The following CNTNAP2 variants were observed in gnomAD, a reference collection of about 807,000 sequenced individuals.
CNTNAP2 encodes contactin associated protein 2, also known as contactin-associated protein-like 2.
In CNTNAP2, 98 loss-of-function variants were observed where a neutral mutation model predicts 155.2. That is an observed-to-expected ratio of 0.63 (90% CI 0.54 to 0.75). The LOEUF is 0.75. Among genes scored for constraint, CNTNAP2 ranks in the 30% least tolerant of loss-of-function variants. CNTNAP2 has a pLI of 0.00. For missense variants in CNTNAP2, 1,727 were observed against 1,688.1 expected, an observed-to-expected ratio of 1.02 and a Z score of -0.40; for synonymous variants, 651 against 631.2, an observed-to-expected ratio of 1.03 and a Z score of -0.47.
Position 147,773,750 on chromosome 7 carries a change from T to C in CNTNAP2, c.2099-129815T>C, listed in dbSNP as rs1242829981. Reference sequence around the variant, plus strand: ...AATATTTTCAGTGCCCCAGTCAGAGTGATCCTGTTAAAACATTAGCCAGAT... The same window carrying C: ...AATATTTTCAGTGCCCCAGTCAGAGCGATCCTGTTAAAACATTAGCCAGAT... On this transcript the variant is annotated intron_variant, in intron 13 of 23. Transcript: ENST00000361727. 2.6e-5 allele frequency among the ~76,000 whole-genome samples: 4 copies of C among 152,176 alleles called. No homozygotes were observed. The South Asian group carries it at 8.3e-4, about 31-fold the overall frequency.
At chr7:147,347,420 T>TA (rs1359402435) in intron 9 of CNTNAP2, among the ~76,000 whole-genome samples, 1 of 120,726 alleles carries the variant, frequency 8.3e-6, no homozygotes, top group African/African-American at 3.6e-5. Flanking sequence ...TGTGAAAAGA[T>TA]TATATATATA....
intron 18 of CNTNAP2, among the ~76,000 whole-genome samples, 162 bp from the exon 19 acceptor site, chr7:148,217,124 TAA>T (rs1795653219): frequency 6.7e-6 from 1 of 150,036 alleles, no homozygotes; most frequent in Admixed American, 6.7e-5. Context: ...TTTTTTTTGA[TAA>T]GAGTATTTGT....
rs116680470 is a variant in CNTNAP2 at position 147,516,439 on chromosome 7, C to T, written c.1777+30398C>T. On this transcript the variant is annotated intron_variant, in intron 11 of 23. Transcript: ENST00000361727. ...TTATTAGGGGCCAATATTAAAATTCCACTTACAAGTGTCAGAGAAGCAAAA... is the reference window on the plus strand; with the variant it reads ...TTATTAGGGGCCAATATTAAAATTCTACTTACAAGTGTCAGAGAAGCAAAA... Among the ~76,000 whole-genome samples, 1,026 of 152,272 alleles carry T rather than the reference C, an allele frequency of 6.7e-3. 16 individuals carry two copies. Among genetic ancestry groups the T allele is most frequent in the African/African-American group, 0.022 (917 of 41,558 alleles).
intron 10 of CNTNAP2, among the ~76,000 whole-genome samples, chr7:147,466,859 C>T (rs1406402467): frequency 6.6e-6 from 1 of 152,148 alleles, no homozygotes; most frequent in Non-Finnish European, 1.5e-5. Context: ...GCAGAGGTTG[C>T]AGTGAGCCAA....
At chr7:148,354,967 CA>C (rs1046326044) in intron 21 of CNTNAP2, among the ~76,000 whole-genome samples, 6 of 151,818 alleles carry the variant, frequency 4.0e-5, no homozygotes, top group Non-Finnish European at 8.8e-5. Context: ...AATCCAAACC[CA>C]AAACTCTCAA....
intron 1 of CNTNAP2, among the ~76,000 whole-genome samples, chr7:146,714,068 T>C (rs1801145473): frequency 6.6e-6 from 1 of 152,156 alleles, no homozygotes; most frequent in African/African-American, 2.4e-5. Context: ...TACTGCTCTC[T>C]CCTGGAGTGC....
At chr7:146,442,683 C>T (rs189847685) in intron 1 of CNTNAP2, among the ~76,000 whole-genome samples, 5 of 152,244 alleles carry the variant, frequency 3.3e-5, no homozygotes, top group East Asian at 3.9e-4. Flanking sequence ...TGAGTCCCCT[C>T]CTGCTCACTT....
chr7:146,476,972 T>A (rs1796887104), intron 1 of CNTNAP2, among the ~76,000 whole-genome samples: 2 of 152,240 alleles, frequency 1.3e-5, no homozygotes, highest in Non-Finnish European at 2.9e-5. Context: ...TAGCAAGTTT[T>A]CTTATTTTTT....
At chr7:146,501,322 C>G (rs1288901557) in intron 1 of CNTNAP2, among the ~76,000 whole-genome samples, 1 of 151,986 alleles carries the variant, frequency 6.6e-6, no homozygotes, top group African/African-American at 2.4e-5. Flanking sequence ...GTAGAATTCA[C>G]CAGTGAATCT....
chr7:146,430,300 A>G (rs1796156507), intron 1 of CNTNAP2, among the ~76,000 whole-genome samples: 1 of 152,038 alleles, frequency 6.6e-6, no homozygotes, highest in Admixed American at 6.6e-5. Flanking sequence ...AATCACAGAA[A>G]GTATATCTAT....
At chr7:148,415,147 G>A (rs566263849) in intron 23 of CNTNAP2, among the ~76,000 whole-genome samples, 9 of 152,246 alleles carry the variant, frequency 5.9e-5, no homozygotes, top group African/African-American at 1.9e-4. Context: ...CTTTCTGCCT[G>A]TTTTCTAATG....
intron 1 of CNTNAP2, among the ~76,000 whole-genome samples, chr7:146,174,849 CA>C (rs2116826380): frequency 6.6e-6 from 1 of 152,112 alleles, no homozygotes; most frequent in South Asian, 2.1e-4. Flanking sequence ...CTCAAACAAA[CA>C]AACAAAAACT....
Position 147,908,062 on chromosome 7 carries a change from A to G in CNTNAP2, c.2255+4341A>G, listed in dbSNP as rs1393284462. ...AGGATTACAGGCATGAGCCACCACA[A>G]CTGGCCCTTATCACAATTCTTAATG... On this transcript the variant is annotated intron_variant, in intron 14 of 23. Transcript: ENST00000361727. Among the ~76,000 whole-genome samples, 3 of 152,012 alleles carry G rather than the reference A, an allele frequency of 2.0e-5. No individual in the cohort carries two copies. The East Asian group carries it at 5.8e-4, about 29-fold the overall frequency.
At chr7:146,251,471 A>C (rs1053301940) in intron 1 of CNTNAP2, among the ~76,000 whole-genome samples, 8 of 152,300 alleles carry the variant, frequency 5.3e-5, no homozygotes, top group Non-Finnish European at 8.8e-5. Context: ...TAATTTTATA[A>C]TAAAATAGTT....
chr7:147,720,655 G>C (rs1406734350), intron 13 of CNTNAP2, among the ~76,000 whole-genome samples: 1 of 152,000 alleles, frequency 6.6e-6, no homozygotes, highest in Non-Finnish European at 1.5e-5. Flanking sequence ...AAGTTCTCAG[G>C]AGATCCGATG....
At chr7:148,310,592 G>A (rs918518289) in intron 21 of CNTNAP2, among the ~76,000 whole-genome samples, 4 of 152,160 alleles carry the variant, frequency 2.6e-5, no homozygotes, top group Non-Finnish European at 5.9e-5. Flanking sequence ...GGTGTCATGA[G>A]GGGAACAGGG....
intron 15 of CNTNAP2, among the ~76,000 whole-genome samples, chr7:148,015,332 T>A (rs1802159109): frequency 6.6e-6 from 1 of 152,178 alleles, no homozygotes; most frequent in South Asian, 2.1e-4. Flanking sequence ...TCTCCCCAGT[T>A]CTTCCTAAGG....
intron 21 of CNTNAP2, among the ~76,000 whole-genome samples, chr7:148,270,663 A>G (rs568391583): frequency 3.3e-5 from 5 of 152,352 alleles, no homozygotes; most frequent in African/African-American, 1.2e-4. Context: ...GGTATGGATG[A>G]TCATCCTAAC....
intron 13 of CNTNAP2, among the ~76,000 whole-genome samples, chr7:147,819,726 G>A (rs1798332999): frequency 6.6e-6 from 1 of 152,112 alleles, no homozygotes; most frequent in African/African-American, 2.4e-5. Context: ...AAAGGAGAAT[G>A]TAGATCTGAT....
Sources: allele counts gnomAD v4.1 joint callset (sites outside exome capture counted in the v4.1 genomes callset), GRCh38; gene constraint gnomAD v4.1.1; transcripts MANE v1.5; gene names NCBI Gene and HGNC (gene_info 2026-07-23, HGNC 2026-07-21).